Variants in NAV3 observed in about 807,000 individuals in gnomAD.
The protein encoded by NAV3 is neuron navigator 3.
A neutral mutation model predicts 244.7 loss-of-function variants in NAV3; 87 were observed. That is an observed-to-expected ratio of 0.36 (90% confidence interval 0.30 to 0.42). The LOEUF is 0.42. NAV3 is among the 20% of genes least tolerant of loss of function. The pLI, the probability that NAV3 is intolerant of heterozygous loss-of-function variation, is 1.00. For missense variants in NAV3, 2,663 were observed against 2,893.3 expected (o/e 0.92, Z 1.83); for synonymous variants, 1,126 against 1,042.2 (o/e 1.08, Z -1.55).
chr12:78,015,122 G>A (rs1228476668), intron 8 of NAV3, among the ~76,000 whole-genome samples: 2 of 152,016 alleles, frequency 1.3e-5, no homozygotes, highest in Admixed American at 6.6e-5. Flanking sequence ...GAGGTTCATG[G>A]CAAGATTGCC....
intron 23 of NAV3, among the ~76,000 whole-genome samples, chr12:78,168,259 T>A (rs1457278751): frequency 6.6e-6 from 1 of 151,768 alleles, no homozygotes; most frequent in Non-Finnish European, 1.5e-5. Flanking sequence ...TTCCAGGTTT[T>A]ACACTTAAAT....
chr12:77,701,145 G>C (rs1362259378), intron 2 of NAV3, among the ~76,000 whole-genome samples: 2 of 151,550 alleles, frequency 1.3e-5, no homozygotes, highest in Admixed American at 1.3e-4. Context: ...TTCTTTCTTT[G>C]TCTTGATGGA....
At chr12:77,666,575 C>A (rs1592560209) in intron 2 of NAV3, among the ~76,000 whole-genome samples, 1 of 152,186 alleles carries the variant, frequency 6.6e-6, no homozygotes, top group Non-Finnish European at 1.5e-5. Context: ...GATTGTAAAG[C>A]AATTGGCTTG....
rs747850515 is a variant in NAV3, at chr12:77,982,363, T to A, written c.672-12440T>A. Among the ~76,000 whole-genome samples the A allele has an allele frequency of 9.8e-5, 6 of 61,334 alleles. 3 individuals are homozygous for A. Among genetic ancestry groups the A allele is most frequent in the Non-Finnish European group, 2.8e-4 (6 of 21,364 alleles). The allele number at this position is 61,334 out of a possible 152,430, so 40.2% of individuals were successfully genotyped here. A position where few individuals can be genotyped will look rare whatever the true frequency, so the allele number is the denominator to read the frequency against. On this transcript the variant is annotated intron_variant, in intron 5 of 39. Transcript: ENST00000397909. The stretch of plus-strand genomic sequence containing the variant: ...TGAGCCAAGAGATACATCAGATATG[T>A]GGCTAAGATAAAGTGATGTTCCTCT...
At chr12:77,581,289 GCTCT>G (rs1398865950) in intron 2 of NAV3, among the ~76,000 whole-genome samples, 40 of 152,016 alleles carry the variant, frequency 2.6e-4, no homozygotes, top group Admixed American at 2.6e-3. Context: ...CTTTTATTGT[GCTCT>G]GATTTAAATC....
intron 2 of NAV3, among the ~76,000 whole-genome samples, chr12:77,766,777 G>T (rs147603132): frequency 0.03 from 1,269 of 41,882 alleles, 17 homozygotes; most frequent in East Asian, 0.076. Context: ...TTTTTGAGAC[G>T]GAGTCTCGCT....
intron 2 of NAV3, among the ~76,000 whole-genome samples, chr12:77,810,614 C>T (rs904834032): frequency 6.6e-6 from 1 of 151,992 alleles, no homozygotes; most frequent in Non-Finnish European, 1.5e-5. Flanking sequence ...CTTTGCAGAC[C>T]AAGGATTGAA....
At chr12:77,890,197 T>C (rs1002391121) in intron 1 of NAV3, among the ~76,000 whole-genome samples, 8 of 152,212 alleles carry the variant, frequency 5.3e-5, no homozygotes, top group African/African-American at 1.9e-4. Context: ...GCTCAAGCAG[T>C]CTTTCTACCT....
At chr12:78,136,143 T>G (rs1453878343) in intron 18 of NAV3, among the ~76,000 whole-genome samples, 1 of 152,196 alleles carries the variant, frequency 6.6e-6, no homozygotes, top group African/African-American at 2.4e-5. Flanking sequence ...AGAAAAAATC[T>G]TAGTAAATTT....
intron 5 of NAV3, among the ~76,000 whole-genome samples, chr12:77,969,708 G>A (rs1193873413): frequency 6.6e-6 from 1 of 152,126 alleles, no homozygotes; most frequent in Non-Finnish European, 1.5e-5. Context: ...AGCCAGGTGT[G>A]GTGACAGGTG....
At chr12:78,065,593 A>G (rs952595356) in intron 12 of NAV3, among the ~76,000 whole-genome samples, 1 of 152,188 alleles carries the variant, frequency 6.6e-6, no homozygotes, top group Non-Finnish European at 1.5e-5. Flanking sequence ...ATGCAATACT[A>G]TACAATTCCA....
In NAV3 at chr12:78,188,602, A is replaced by C; in HGVS notation, c.5887-7A>C. The C allele has an allele frequency of 6.2e-7, 1 of 1,608,838 alleles. No individual in the cohort carries two copies. Among genetic ancestry groups the C allele is most frequent in the Non-Finnish European group, 8.5e-7 (1 of 1,177,392 alleles). ...TTTGATTTTATTTTTTGTGTGTACCATTGTAGGAATATGTATTCCGAATTG... is the reference window on the plus strand; with the variant it reads ...TTTGATTTTATTTTTTGTGTGTACCCTTGTAGGAATATGTATTCCGAATTG... On this transcript the variant is annotated splice_polypyrimidine_tract_variant and splice_region_variant and intron_variant, in intron 32 of 39. Coordinates refer to ENST00000397909, the MANE Select transcript of NAV3 (RefSeq NM_001024383.2).
At chr12:77,598,483 C>T (rs1284922417) in intron 2 of NAV3, among the ~76,000 whole-genome samples, 1 of 151,972 alleles carries the variant, frequency 6.6e-6, no homozygotes, top group African/African-American at 2.4e-5. Flanking sequence ...TACATTCATA[C>T]ATTTGAAGCT....
At chr12:77,674,271 C>T (rs1275134961) in intron 2 of NAV3, among the ~76,000 whole-genome samples, 3 of 152,124 alleles carry the variant, frequency 2.0e-5, no homozygotes, top group Non-Finnish European at 4.4e-5. Flanking sequence ...ATAGGCAAAT[C>T]TAAATGACAT....
intron 2 of NAV3, among the ~76,000 whole-genome samples, chr12:77,608,512 G>A (rs896328409): frequency 6.6e-6 from 1 of 152,020 alleles, no homozygotes; most frequent in African/African-American, 2.4e-5. Flanking sequence ...TATGGAGTTG[G>A]GCCATAACAA....
At chr12:77,890,823 G>A (rs1422018345) in intron 1 of NAV3, among the ~76,000 whole-genome samples, 1 of 152,172 alleles carries the variant, frequency 6.6e-6, no homozygotes, top group Non-Finnish European at 1.5e-5. Context: ...TGTAAACTCT[G>A]CAGGAAAGCT....
At chr12:77,665,630 A>G (rs1036724871) in intron 2 of NAV3, among the ~76,000 whole-genome samples, 5 of 152,218 alleles carry the variant, frequency 3.3e-5, no homozygotes, top group African/African-American at 1.2e-4. Flanking sequence ...AGTTATAAAT[A>G]TAAACTATTA....
At chr12:78,129,482 A>C (rs904851515) in intron 18 of NAV3, among the ~76,000 whole-genome samples, 15 of 152,176 alleles carry the variant, frequency 9.9e-5, no homozygotes, top group Admixed American at 5.9e-4. Context: ...TAAATTACCA[A>C]CTTAGTCATT....
At chr12:78,098,117 T>C (rs1000371189) in intron 12 of NAV3, among the ~76,000 whole-genome samples, 5 of 152,124 alleles carry the variant, frequency 3.3e-5, no homozygotes, top group Non-Finnish European at 7.4e-5. Context: ...TACTGATTTC[T>C]ATCTTCTCAT....
Sources: allele counts gnomAD v4.1 joint callset (sites outside exome capture counted in the v4.1 genomes callset), GRCh38; gene constraint gnomAD v4.1.1; transcripts MANE v1.5; gene names NCBI Gene and HGNC (gene_info 2026-07-23, HGNC 2026-07-21).